The following ABLIM1 variants were observed in gnomAD, a reference collection of about 807,000 sequenced individuals.
ABLIM1 encodes actin-binding LIM protein 1.
ABLIM1 carries 40 observed loss-of-function variants against 107.0 expected under a neutral mutation model. The ratio of observed to expected loss-of-function variants is 0.37; its 90% CI spans 0.29 to 0.49. The LOEUF (loss-of-function observed/expected upper bound fraction) is 0.49, where lower values mean the gene tolerates loss of function less well. ABLIM1 is among the 20% of genes least tolerant of loss of function. The pLI is 0.97. For synonymous variants in ABLIM1, 357 were observed against 357.3 expected, an observed-to-expected ratio of 1.00 and a Z score of 0.01; for missense variants, 857 against 1,008.5, an observed-to-expected ratio of 0.85 and a Z score of 2.04.
At chr10:114,784,665 C>CAAAAAAAAAAAAAAAAAAAAAA in the ABLIM1 span, among the ~76,000 whole-genome samples, 2 of 87,994 alleles carry the variant, frequency 2.3e-5, no homozygotes, top group Non-Finnish European at 4.3e-5. Flanking sequence ...AGACTCACCT[C>CAAAAAAAAAAAAAAAAAAAAAA]AAAAAAAAAA....
rs546519845 is a variant in ABLIM1, at chr10:114,517,523, G to C, written c.895-25645C>G. Among the ~76,000 whole-genome samples, 21 of 152,176 alleles carry C rather than the reference G, an allele frequency of 1.4e-4. No homozygotes were observed. The East Asian group carries it at 4.1e-3, about 30-fold the overall frequency. On this transcript the variant is annotated intron_variant, in intron 6 of 22. Coordinates refer to ENST00000533213, the MANE Select transcript of ABLIM1 (RefSeq NM_002313.7). The stretch of plus-strand genomic sequence containing the variant: ...CAGAAATGTGACAGAATACATTTCT[G>C]TCATGTTTGAGCTGCCAAGTTTGTG...
the ABLIM1 span, among the ~76,000 whole-genome samples, chr10:114,796,803 T>C: frequency 3.9e-5 from 6 of 152,238 alleles, no homozygotes; most frequent in Admixed American, 6.5e-5. Flanking sequence ...GCCATTTGGC[T>C]ATACCAACCT....
At chr10:114,484,765 T>TCCA (rs2057927030) in intron 8 of ABLIM1, among the ~76,000 whole-genome samples, 1 of 152,126 alleles carries the variant, frequency 6.6e-6, no homozygotes, top group Non-Finnish European at 1.5e-5. Flanking sequence ...CCTCATCAGG[T>TCCA]CCACCACTTT....
chr10:114,554,713 T>C (rs747877236), intron 4 of ABLIM1, among the ~76,000 whole-genome samples: 16 of 152,028 alleles, frequency 1.1e-4, no homozygotes, highest in Non-Finnish European at 2.2e-4. Context: ...CTAAAAGATA[T>C]AATTAAGGTG....
At chr10:114,464,684 AGT>A (rs1565390643) in intron 12 of ABLIM1, among the ~76,000 whole-genome samples, 1 of 152,250 alleles carries the variant, frequency 6.6e-6, no homozygotes, top group Non-Finnish European at 1.5e-5. Flanking sequence ...AGGATCAAAT[AGT>A]TTGAATTCTC....
At chr10:114,510,163 C>T (rs1156566830) in intron 6 of ABLIM1, among the ~76,000 whole-genome samples, 2 of 152,170 alleles carry the variant, frequency 1.3e-5, no homozygotes, top group African/African-American at 2.4e-5. Context: ...CTATACCTTC[C>T]CACATCTTAA....
At position 114,465,701 on chromosome 10, in the gene ABLIM1, G is replaced by C; in HGVS notation, c.1438C>G (p.Pro480Ala). Residue 480 changes from proline to alanine, a missense_variant, in exon 12 of 23, where the codon CCT becomes GCT. This residue lies in a region of ABLIM1 where 381 missense variants were observed against 506.9 expected (regional missense o/e 0.75). Transcript: ENST00000533213. ...TSRSPQHFHR[P>A]GNEPSSGRNS... ...ATCCAGGAACAGTCACCCTTACCAGGTCTGTGGAAATGCTGGGGAGAGCGG... is the reference window on the plus strand; with the variant it reads ...ATCCAGGAACAGTCACCCTTACCAGCTCTGTGGAAATGCTGGGGAGAGCGG... The C allele has an allele frequency of 1.2e-6, 2 of 1,614,098 alleles. No homozygotes were observed. The highest frequency in any genetic ancestry group is 1.7e-6 in the Non-Finnish European group (2 of 1,179,990).
In ABLIM1 at chr10:114,433,844, C is replaced by T. The variant is rs545316759; in HGVS notation, c.*2416G>A. 47 of 152,280 alleles carry T rather than the reference C, an allele frequency of 3.1e-4. No homozygotes were observed. The highest frequency in any genetic ancestry group is 1.1e-3 in the African/African-American group (45 of 41,562). The allele number at this position is 152,280 out of a possible 1,614,324, so 9.4% of individuals were successfully genotyped here. On this transcript the variant is annotated 3_prime_UTR_variant, in exon 23 of 23. Transcript: ENST00000533213. ...ACTACCTGATTATGCCCATGTTTCC[C>T]AAATACCTTGATTTTTCTTATATTG...
intron 6 of ABLIM1, among the ~76,000 whole-genome samples, chr10:114,492,385 G>C (rs1416492988): frequency 1.3e-5 from 2 of 152,168 alleles, no homozygotes; most frequent in African/African-American, 4.8e-5. Flanking sequence ...TATCTCAAGG[G>C]GGGCCCTAAG....
the ABLIM1 span, among the ~76,000 whole-genome samples, chr10:114,800,507 T>C: frequency 6.6e-6 from 1 of 152,350 alleles, no homozygotes; most frequent in Admixed American, 6.5e-5. Context: ...CTCACTACTT[T>C]GGAAAATAAT....
intron 1 of ABLIM1, among the ~76,000 whole-genome samples, chr10:114,692,679 C>T (rs2081106699): frequency 6.6e-6 from 1 of 152,096 alleles, no homozygotes; most frequent in Non-Finnish European, 1.5e-5. Context: ...ATCACAAGGT[C>T]AAGAGTTTGA....
At chr10:114,618,039 T>C (rs553247056) in intron 1 of ABLIM1, among the ~76,000 whole-genome samples, 10 of 152,190 alleles carry the variant, frequency 6.6e-5, no homozygotes, top group Non-Finnish European at 1.3e-4. Flanking sequence ...CCAACCCCTA[T>C]AGGCAAATGT....
the ABLIM1 span, among the ~76,000 whole-genome samples, chr10:114,791,448 C>A: frequency 3.3e-5 from 5 of 152,072 alleles, no homozygotes; most frequent in Non-Finnish European, 7.4e-5. Context: ...ACCATCCTGG[C>A]TAACATGGTG....
intron 1 of ABLIM1, among the ~76,000 whole-genome samples, chr10:114,761,762 G>A (rs999079248): frequency 2.0e-5 from 3 of 152,070 alleles, no homozygotes; most frequent in Admixed American, 2.0e-4. Flanking sequence ...GCAGCAACAG[G>A]CTTCCTAGGT....
upstream of ABLIM1, among the ~76,000 whole-genome samples, chr10:114,661,402 C>T (rs1435735269): frequency 6.6e-6 from 1 of 152,200 alleles, no homozygotes; most frequent in African/African-American, 2.4e-5. Context: ...TTACCCTCCT[C>T]CACATGGCTC....
At chr10:114,713,103 TG>T (rs2081587568) in intron 1 of ABLIM1, among the ~76,000 whole-genome samples, 1 of 152,278 alleles carries the variant, frequency 6.6e-6, no homozygotes, top group Non-Finnish European at 1.5e-5. Flanking sequence ...ATAACATAGC[TG>T]GGCAGAATAT....
chr10:114,616,101 G>T (rs1264596192), intron 1 of ABLIM1, among the ~76,000 whole-genome samples: 1 of 152,198 alleles, frequency 6.6e-6, no homozygotes, highest in Admixed American at 6.5e-5. Flanking sequence ...GGGAGTACAA[G>T]GCAGTAGGAT....
At chr10:114,706,753 T>C (rs1338803468) in intron 1 of ABLIM1, among the ~76,000 whole-genome samples, 1 of 152,228 alleles carries the variant, frequency 6.6e-6, no homozygotes, top group Non-Finnish European at 1.5e-5. Flanking sequence ...TGTTTTGTTG[T>C]TTTTGTTACA....
At chr10:114,679,635 C>CAAAAAAAAA in intron 1 of ABLIM1, among the ~76,000 whole-genome samples, 1 of 86,310 alleles carries the variant, frequency 1.2e-5, no homozygotes, top group Non-Finnish European at 2.5e-5. Flanking sequence ...AACTCCGTCT[C>CAAAAAAAAA]AAAAAAAAAA....
Sources: gnomAD v4.1 joint callset for allele counts (sites outside exome capture counted in the v4.1 genomes callset) on GRCh38, gnomAD v4.1.1 for gene constraint, gnomAD v4.1.1 regional missense constraint, MANE v1.5 for transcripts, NCBI Gene and HGNC (gene_info 2026-07-23, HGNC 2026-07-21) for gene names.